The following CHPT1 variants were observed in gnomAD, a reference collection of about 807,000 sequenced individuals.
The protein encoded by CHPT1 is cholinephosphotransferase 1.
A neutral mutation model predicts 47.6 loss-of-function variants in CHPT1; 36 were observed. The observed-to-expected ratio is 0.76, with a 90% CI of 0.58 to 1.00. CHPT1 has a LOEUF of 1.00. Ranked by LOEUF, CHPT1 falls within the 50% of genes least tolerant of loss-of-function variation. The pLI is 0.00. For synonymous variants in CHPT1, 194 were observed against 186.3 expected (o/e 1.04, Z -0.33); for missense variants, 458 against 498.1 (o/e 0.92, Z 0.77).
chr12:101,728,794 G>A, intron 8 of CHPT1, 107 bp from the exon 9 acceptor site: 5 of 1,274,312 alleles, frequency 3.9e-6, no homozygotes, highest in Non-Finnish European at 5.5e-6. Flanking sequence ...CAGAAAGGGA[G>A]GTCTTACAAT....
rs574277652 is a variant in CHPT1, at chr12:101,702,347, G to A, written c.273+4213G>A. On this transcript the variant is annotated intron_variant, in intron 1 of 8. Transcript: ENST00000229266. ...TTATTAAGAATATGTTTATGGCAGG[G>A]ACAAGTGCCTAGCTTAAGGTCAGGT... Among the ~76,000 whole-genome samples, 744 of 152,280 alleles carry A rather than the reference G, an allele frequency of 4.9e-3. 1 individual carries two copies. The highest frequency in any genetic ancestry group is 0.017 in the African/African-American group (695 of 41,556).
Position 101,697,786 on chromosome 12 carries a change from C to G in CHPT1, c.-76C>G. 2.0e-6 allele frequency: 1 copy of G among 489,278 alleles called. No homozygotes were observed. The highest frequency in any genetic ancestry group is 2.1e-5 in the African/African-American group (1 of 47,742). The allele number at this position is 489,278 out of a possible 1,614,324, so 30.3% of individuals were successfully genotyped here. A position where few individuals can be genotyped will look rare whatever the true frequency, so the allele number is the denominator to read the frequency against. On this transcript the variant is annotated 5_prime_UTR_variant, in exon 1 of 9. Transcript: ENST00000229266. ...AGTCGCAGGACCCGGCCGCCAGCCT[C>G]TCCCTCCACCTCTCCCTGCCCCCAG...
rs529383831 is a variant in CHPT1 at position 101,723,943 on chromosome 12, G to A, written c.1065+96G>A. 4.9e-5 allele frequency: 46 copies of A among 929,690 alleles called. 1 individual carries two copies. The highest frequency in any genetic ancestry group is 2.5e-4 in the South Asian group (17 of 66,828). 57.6% of individuals were successfully genotyped at this position (929,690 alleles called of 1,614,324 possible). A position where few individuals can be genotyped will look rare whatever the true frequency, so the allele number is the denominator to read the frequency against. On this transcript the variant is annotated intron_variant, in intron 7 of 8. Coordinates refer to ENST00000229266, the MANE Select transcript of CHPT1 (RefSeq NM_020244.3). Reference sequence around the variant, plus strand: ...CCTCAAGATCTAGTCTAGGCCAGGCGTGGTGACTCACGCCTGTAATCCCAG... The same window carrying A: ...CCTCAAGATCTAGTCTAGGCCAGGCATGGTGACTCACGCCTGTAATCCCAG...
At chr12:101,723,577 A>G in intron 6 of CHPT1, 145 bp from the exon 7 acceptor site, 3 of 633,976 alleles carry the variant, frequency 4.7e-6, no homozygotes, top group South Asian at 4.8e-5. Flanking sequence ...CCAGTTGTGA[A>G]TTTGAGAAGG....
At chr12:101,703,373 A>G (rs891561605) in intron 1 of CHPT1, among the ~76,000 whole-genome samples, 2 of 152,244 alleles carry the variant, frequency 1.3e-5, no homozygotes, top group Non-Finnish European at 2.9e-5. Flanking sequence ...GAATATAAAA[A>G]TAAAGGCCAG....
intron 7 of CHPT1, among the ~76,000 whole-genome samples, chr12:101,724,490 C>T (rs7957552): frequency 0.098 from 14,906 of 152,114 alleles, 870 homozygotes; most frequent in Middle Eastern, 0.2. Flanking sequence ...CAGCAAGTAA[C>T]AGGAAAATTA....
At chr12:101,721,184 G>A (rs1951845570) in intron 5 of CHPT1, among the ~76,000 whole-genome samples, 1 of 152,236 alleles carries the variant, frequency 6.6e-6, no homozygotes, top group African/African-American at 2.4e-5. Context: ...AGCTACTTGG[G>A]AGGCTGAGGC....
At chr12:101,709,625 CTG>C (rs1951679168) in intron 1 of CHPT1, among the ~76,000 whole-genome samples, 1 of 148,520 alleles carries the variant, frequency 6.7e-6, no homozygotes, top group African/African-American at 2.4e-5. Context: ...CTTGGGAAGA[CTG>C]GGAAAACTTG....
At chr12:101,700,323 G>GAAAAAAAAAAAA (rs5800482) in intron 1 of CHPT1, among the ~76,000 whole-genome samples, 1 of 132,718 alleles carries the variant, frequency 7.5e-6, no homozygotes, top group Non-Finnish European at 1.6e-5. Context: ...AGCCTCATGT[G>GAAAAAAAAAAAA]AAAAAAAAAA....
intron 4 of CHPT1, 61 bp downstream of exon 4, chr12:101,716,873 G>A: frequency 1.9e-6 from 2 of 1,026,334 alleles, no homozygotes; most frequent in Non-Finnish European, 2.8e-6. Flanking sequence ...AAAAAGTATT[G>A]CATTGTTAAT....
At chr12:101,719,418 C>T (rs767439510) in intron 4 of CHPT1, 6 of 537,152 alleles carry the variant, frequency 1.1e-5, no homozygotes, top group Non-Finnish European at 2.0e-5. Flanking sequence ...AGTCTATTTT[C>T]TAAACATAGT....
Position 101,715,836 on chromosome 12 carries a change from A to C in CHPT1, c.564-892A>C, listed in dbSNP as rs927629481. Among the ~76,000 whole-genome samples the C allele has an allele frequency of 4.6e-5, 7 of 152,196 alleles. No individual in the cohort carries two copies. The East Asian group carries it at 1.3e-3, about 29-fold the overall frequency. Reference sequence around the variant, plus strand: ...GAGAAGAGCTCCAGCAAGGTAGGAAAATCAGGAGAGAACATGGAATAGATA... The same window carrying C: ...GAGAAGAGCTCCAGCAAGGTAGGAACATCAGGAGAGAACATGGAATAGATA... On this transcript the variant is annotated intron_variant, in intron 3 of 8. Coordinates refer to ENST00000229266, the MANE Select transcript of CHPT1 (RefSeq NM_020244.3).
intron 7 of CHPT1, 92 bp from the exon 8 acceptor site, chr12:101,726,202 T>G: frequency 1.2e-6 from 1 of 831,550 alleles, no homozygotes; most frequent in South Asian, 1.7e-5. Flanking sequence ...AATTTTAGGT[T>G]AAGGTTTGAT....
intron 1 of CHPT1, among the ~76,000 whole-genome samples, chr12:101,705,870 C>T (rs1283435438): frequency 0.21 from 28,895 of 139,802 alleles, 3,246 homozygotes; most frequent in Middle Eastern, 0.27. Context: ...GGATTACAGG[C>T]ATGCACCCCC....
intron 4 of CHPT1, among the ~76,000 whole-genome samples, chr12:101,719,002 C>T (rs1951806544): frequency 6.6e-6 from 1 of 151,616 alleles, no homozygotes; most frequent in Non-Finnish European, 1.5e-5. Context: ...GCTAAAAATA[C>T]ACAAATTAGC....
intron 4 of CHPT1, among the ~76,000 whole-genome samples, chr12:101,718,671 A>C (rs1260091123): frequency 1.3e-5 from 2 of 152,074 alleles, no homozygotes; most frequent in East Asian, 1.9e-4. Context: ...CTTTAAAAAA[A>C]AAAAAAAAAA....
intron 7 of CHPT1, among the ~76,000 whole-genome samples, chr12:101,725,007 A>ATCACTATGTG (rs1291681853): frequency 9.9e-5 from 15 of 152,276 alleles, no homozygotes; most frequent in African/African-American, 3.4e-4. Context: ...GTGATATATA[A>ATCACTATGTG]ATATACCGAA....
chr12:101,723,377 C>T, intron 6 of CHPT1, 51 bp downstream of exon 6: 1 of 1,084,484 alleles, frequency 9.2e-7, no homozygotes, highest in Non-Finnish European at 1.3e-6. Flanking sequence ...AGTCGTCAAA[C>T]ACAAAGCTGG....
At chr12:101,722,973 T>A (rs562275759) in intron 5 of CHPT1, among the ~76,000 whole-genome samples, 195 bp from the exon 6 acceptor site, 1 of 152,344 alleles carries the variant, frequency 6.6e-6, no homozygotes, top group East Asian at 1.9e-4. Context: ...TCTGTGGCAC[T>A]GTATTATGTC....
Sources: allele counts gnomAD v4.1 joint callset (sites outside exome capture counted in the v4.1 genomes callset), GRCh38; gene constraint gnomAD v4.1.1; transcripts MANE v1.5; gene names NCBI Gene and HGNC (gene_info 2026-07-23, HGNC 2026-07-21).